PTPRT: variants seen among roughly 807,000 people sequenced by gnomAD.
PTPRT encodes receptor-type tyrosine-protein phosphatase T.
In PTPRT, 56 loss-of-function variants were observed where a neutral mutation model predicts 176.8. That is an observed-to-expected ratio of 0.32 (90% CI 0.26 to 0.40). The LOEUF is 0.40. Among genes scored for constraint, PTPRT ranks in the 10% least tolerant of loss-of-function variants. The pLI, the probability that PTPRT is intolerant of heterozygous loss-of-function variation, is 1.00. For missense variants in PTPRT, 1,540 were observed against 1,908.2 expected (o/e 0.81, Z 3.60); for synonymous variants, 783 against 739.0 (o/e 1.06, Z -0.96).
At chr20:42,040,698 T>C in the PTPRT span, among the ~76,000 whole-genome samples, 1 of 152,208 alleles carries the variant, frequency 6.6e-6, no homozygotes, top group East Asian at 1.9e-4. Flanking sequence ...GCCTAAATTA[T>C]GGAAAAGTGT....
intron 7 of PTPRT, among the ~76,000 whole-genome samples, chr20:42,558,524 G>T (rs1177828525): frequency 6.6e-6 from 1 of 152,004 alleles, no homozygotes; most frequent in Non-Finnish European, 1.5e-5. Flanking sequence ...CTGTTTTTAG[G>T]TCTTTGAGGA....
chr20:42,405,999 G>C (rs1452113497), intron 9 of PTPRT, among the ~76,000 whole-genome samples: 1 of 152,072 alleles, frequency 6.6e-6, no homozygotes, highest in Non-Finnish European at 1.5e-5. Flanking sequence ...TCAAACAGGA[G>C]ATCCAAATGT....
At chr20:42,276,533 A>AATGT in intron 13 of PTPRT, among the ~76,000 whole-genome samples, 1 of 44,922 alleles carries the variant, frequency 2.2e-5, no homozygotes, top group Non-Finnish European at 4.4e-5. Context: ...ATATATATAT[A>AATGT]TATATATATA....
chr20:42,238,373 T>A (rs1372399624), intron 14 of PTPRT, among the ~76,000 whole-genome samples: 1 of 152,046 alleles, frequency 6.6e-6, no homozygotes, highest in African/African-American at 2.4e-5. Flanking sequence ...CTGTTCAATA[T>A]CCTGGACTGA....
At chr20:43,181,505 G>A (rs890140081) in intron 1 of PTPRT, among the ~76,000 whole-genome samples, 6 of 152,096 alleles carry the variant, frequency 3.9e-5, no homozygotes, top group East Asian at 1.9e-4. Flanking sequence ...AAAAAGACAC[G>A]GTGACCTCAG....
At chr20:42,620,591 A>G (rs61141087) in intron 7 of PTPRT, among the ~76,000 whole-genome samples, 3,273 of 152,010 alleles carry the variant, frequency 0.022, 49 homozygotes, top group Middle Eastern at 0.075. Flanking sequence ...GCAGTCAGCG[A>G]GATTCCGTGG....
intron 17 of PTPRT, among the ~76,000 whole-genome samples, chr20:42,143,128 A>C (rs1318996580): frequency 6.6e-6 from 1 of 152,182 alleles, no homozygotes; most frequent in African/African-American, 2.4e-5. Flanking sequence ...CATTATTCTA[A>C]GTGTGATGAA....
chr20:42,281,541 A>G (rs771274832), intron 13 of PTPRT, among the ~76,000 whole-genome samples: 1 of 151,854 alleles, frequency 6.6e-6, no homozygotes, highest in Non-Finnish European at 1.5e-5. Flanking sequence ...GTGTGTGTTT[A>G]TGTTCCTCTG....
At chr20:43,041,158 C>A (rs994327062) in intron 1 of PTPRT, among the ~76,000 whole-genome samples, 11 of 152,284 alleles carry the variant, frequency 7.2e-5, no homozygotes, top group Non-Finnish European at 1.3e-4. Flanking sequence ...AACTAAGACT[C>A]GGAGAGCTTA....
At chr20:42,210,620 A>G (rs2055598736) in intron 15 of PTPRT, among the ~76,000 whole-genome samples, 1 of 150,960 alleles carries the variant, frequency 6.6e-6, no homozygotes, top group Non-Finnish European at 1.5e-5. Flanking sequence ...GGAGAACTAC[A>G]AACCACTGCT....
intron 2 of PTPRT, among the ~76,000 whole-genome samples, chr20:42,875,734 A>G (rs1183454984): frequency 6.6e-6 from 1 of 152,126 alleles, no homozygotes; most frequent in African/African-American, 2.4e-5. Context: ...GATTCTATTC[A>G]CTGTCTACAC....
chr20:42,489,008 TTGTGTGTGTGTGTGTGTGTGTGTGTG>T (rs56267962), intron 7 of PTPRT, among the ~76,000 whole-genome samples: 3 of 131,208 alleles, frequency 2.3e-5, no homozygotes, highest in Non-Finnish European at 3.2e-5. Context: ...TCAACCAAGT[TTGTGTGTGTGTGTGTGTGTGTGTGTG>T]TGTGTGTGTG....
chr20:42,070,402 A>C (rs750894442), downstream of PTPRT, among the ~76,000 whole-genome samples: 34 of 151,866 alleles, frequency 2.2e-4, no homozygotes, highest in Middle Eastern at 6.8e-3. Context: ...CAGCCAACAG[A>C]CACATAAAGA....
At chr20:42,386,011 A>G (rs2058740981) in intron 9 of PTPRT, among the ~76,000 whole-genome samples, 2 of 152,216 alleles carry the variant, frequency 1.3e-5, no homozygotes, top group Non-Finnish European at 2.9e-5. Flanking sequence ...GTCCTAAAAT[A>G]AACAAACTAA....
rs544360872 is a variant in PTPRT at position 42,378,597 on chromosome 20, T to G, written c.1561-26312A>C. 1.7e-3 allele frequency among the ~76,000 whole-genome samples: 253 copies of G among 152,286 alleles called. 2 individuals are homozygous for G. Among genetic ancestry groups the G allele is most frequent in the African/African-American group, 4.7e-3 (197 of 41,568 alleles). On this transcript the variant is annotated intron_variant, in intron 9 of 30. Transcript: ENST00000373187. ...GCACAAAACCTGAGGCATATCTCAG[T>G]GAGTATCTGTCGAATGAACAAAGGA...
intron 1 of PTPRT, among the ~76,000 whole-genome samples, chr20:42,934,741 A>T (rs184397586): frequency 3.2e-4 from 49 of 152,246 alleles, no homozygotes; most frequent in African/African-American, 1.1e-3. Flanking sequence ...TGAGAGGGTA[A>T]GAGAAAGCAC....
intron 2 of PTPRT, among the ~76,000 whole-genome samples, chr20:42,823,500 A>G (rs6103055): frequency 0.023 from 3,453 of 152,106 alleles, 123 homozygotes; most frequent in African/African-American, 0.075. Flanking sequence ...CATGTATCCC[A>G]TTTCTTCCTT....
intron 1 of PTPRT, among the ~76,000 whole-genome samples, chr20:42,907,396 C>G (rs2079492086): frequency 6.6e-6 from 1 of 152,016 alleles, no homozygotes; most frequent in African/African-American, 2.4e-5. Flanking sequence ...GTATCAAACC[C>G]TCCAACCTCA....
the PTPRT span, among the ~76,000 whole-genome samples, chr20:42,055,010 G>A: frequency 2.0e-5 from 3 of 152,144 alleles, no homozygotes; most frequent in Non-Finnish European, 2.9e-5. Flanking sequence ...TGGGTGCAGC[G>A]CACCAGCATG....
Sources: allele counts gnomAD v4.1 joint callset (sites outside exome capture counted in the v4.1 genomes callset), GRCh38; gene constraint gnomAD v4.1.1; transcripts MANE v1.5; gene names NCBI Gene and HGNC (gene_info 2026-07-23, HGNC 2026-07-21).